CD9: variants seen among roughly 807,000 people sequenced by gnomAD.
CD9 encodes CD9 molecule, also known as CD9 antigen.
In CD9, 10 loss-of-function variants were observed where a neutral mutation model predicts 31.4. That is an observed-to-expected ratio of 0.32 (90% CI 0.20 to 0.54). CD9 has a LOEUF of 0.54. Ranked by LOEUF, CD9 falls within the 20% of genes least tolerant of loss-of-function variation. CD9 has a pLI of 0.94. For missense variants in CD9, 259 were observed against 300.1 expected, an observed-to-expected ratio of 0.86 and a Z score of 1.01; for synonymous variants, 113 against 114.1, an observed-to-expected ratio of 0.99 and a Z score of 0.06.
Position 6,235,327 on chromosome 12 carries a change from G to T in CD9, c.447G>T (p.Ala149=). ...QRETLKAIHY[A]LNCCGLAGGV... Reference sequence around the variant, plus strand: ...AAACGCTGAAAGCCATCCACTATGCGGTATGTCGCCTTGGCAAAGACACCC... The same window carrying T: ...AAACGCTGAAAGCCATCCACTATGCTGTATGTCGCCTTGGCAAAGACACCC... The change falls in exon 5 of 8, where the codon GCG becomes GCT. Residue 149 remains alanine (A), a splice_region_variant and synonymous_variant. Transcript: ENST00000009180. The T allele has an allele frequency of 2.5e-6, 4 of 1,614,194 alleles. No individual in the cohort carries two copies. Among genetic ancestry groups the T allele is most frequent in the Non-Finnish European group, 2.5e-6 (3 of 1,180,020 alleles).
chr12:6,203,718 G>T (rs1946099666), intron 1 of CD9, among the ~76,000 whole-genome samples: 1 of 151,816 alleles, frequency 6.6e-6, no homozygotes, highest in Non-Finnish European at 1.5e-5. Flanking sequence ...AAAAACAGTT[G>T]AGAGGGAAAA....
At position 6,233,432 on chromosome 12, in the gene CD9, G is replaced by A. The variant is rs772242287; in HGVS notation, c.294G>A (p.Val98=). ...TCCAGTTCTTCGGCTTCCTCTTGGT[G>A]ATATTCGCCATTGAAATAGCTGCGG... ...MLGLFFGFLL[V]IFAIEIAAAI... Residue 98 remains valine (V), a synonymous_variant, in exon 4 of 8, where the codon GTG becomes GTA. Transcript: ENST00000009180. 5.6e-6 allele frequency: 9 copies of A among 1,613,996 alleles called. No homozygotes were observed. The Admixed American group carries it at 1.3e-4, about 24-fold the overall frequency.
At chr12:6,225,701 G>A (rs1946356180) in intron 2 of CD9, 167 bp downstream of exon 2, 5 of 591,608 alleles carry the variant, frequency 8.5e-6, no homozygotes, top group Non-Finnish European at 1.2e-5. Flanking sequence ...TGTGTGTGTC[G>A]TTGTGCCTGG....
At chr12:6,234,882 T>C (rs764918352) in intron 4 of CD9, among the ~76,000 whole-genome samples, 9 of 152,060 alleles carry the variant, frequency 5.9e-5, no homozygotes, top group African/African-American at 9.7e-5. Context: ...CCTGAGAAAA[T>C]AGTCAGGTCA....
intron 3 of CD9, chr12:6,233,066 A>G (rs1946470832): frequency 1.4e-6 from 1 of 702,118 alleles, no homozygotes; most frequent in Admixed American, 2.0e-5. Flanking sequence ...AACTCCACGG[A>G]GTGGATTCGC....
Position 6,237,793 on chromosome 12 carries a change from T to C in CD9, c.652T>C (p.Cys218Arg), listed in dbSNP as rs760154648. The change falls in exon 8 of 8, where the codon TGC (cysteine) becomes CGC (arginine). Residue 218 changes from cysteine to arginine, a missense_variant. Coordinates refer to ENST00000009180, the MANE Select transcript of CD9 (RefSeq NM_001769.4). ...TGGCATGATCTTCAGTATGATCTTGTGCTGTGCTATCCGCAGGAACCGCGA... is the reference window on the plus strand; with the variant it reads ...TGGCATGATCTTCAGTATGATCTTGCGCTGTGCTATCCGCAGGAACCGCGA... ...IFGMIFSMILCCAIRRNREMV is the reference protein window; with the variant it reads ...IFGMIFSMILRCAIRRNREMV 6.2e-7 allele frequency: 1 copy of C among 1,613,718 alleles called. No individual in the cohort carries two copies. Among genetic ancestry groups the C allele is most frequent in the Admixed American group, 1.7e-5 (1 of 60,014 alleles).
At chr12:6,212,724 T>C (rs982349154) in intron 1 of CD9, among the ~76,000 whole-genome samples, 2 of 152,238 alleles carry the variant, frequency 1.3e-5, no homozygotes, top group Non-Finnish European at 2.9e-5. Flanking sequence ...TGTTGAATTG[T>C]ATGGGTTGTG....
intron 1 of CD9, among the ~76,000 whole-genome samples, chr12:6,211,175 AAAAT>A (rs1486425392): frequency 1.3e-5 from 2 of 152,204 alleles, no homozygotes; most frequent in Non-Finnish European, 2.9e-5. Flanking sequence ...TTTCATCTAA[AAAAT>A]AGAAGACAAT....
At chr12:6,236,548 G>A in intron 7 of CD9, 1 of 505,584 alleles carries the variant, frequency 2.0e-6, no homozygotes, top group Non-Finnish European at 3.5e-6. Flanking sequence ...CACATGGGTG[G>A]CAGTGCTGGC....
At chr12:6,236,511 G>T in intron 7 of CD9, 1 of 568,836 alleles carries the variant, frequency 1.8e-6, no homozygotes, top group Non-Finnish European at 3.1e-6. Context: ...CTAAAGAGTC[G>T]ACTCTCTTAG....
chr12:6,229,893 A>G (rs1946421913), intron 2 of CD9, among the ~76,000 whole-genome samples: 1 of 152,036 alleles, frequency 6.6e-6, no homozygotes, highest in Non-Finnish European at 1.5e-5. Context: ...AAGCAAATTA[A>G]TACCGTAATC....
At chr12:6,202,595 C>T (rs11568198) in intron 1 of CD9, among the ~76,000 whole-genome samples, 2 of 152,228 alleles carry the variant, frequency 1.3e-5, no homozygotes, top group Non-Finnish European at 2.9e-5. Context: ...GAAGCTGATG[C>T]GAGGCTCACA....
intron 1 of CD9, among the ~76,000 whole-genome samples, chr12:6,210,688 A>G (rs1194919959): frequency 6.6e-6 from 1 of 152,216 alleles, no homozygotes; most frequent in Non-Finnish European, 1.5e-5. Context: ...GCAAAAGGGA[A>G]AAAATTCTGG....
chr12:6,212,450 A>G (rs1946203085), intron 1 of CD9, among the ~76,000 whole-genome samples: 1 of 152,220 alleles, frequency 6.6e-6, no homozygotes, highest in Non-Finnish European at 1.5e-5. Flanking sequence ...GGCCTGCACC[A>G]GCCTGAGGCC....
At chr12:6,213,390 T>C (rs945362765) in intron 1 of CD9, among the ~76,000 whole-genome samples, 2 of 152,226 alleles carry the variant, frequency 1.3e-5, no homozygotes, top group African/African-American at 4.8e-5. Context: ...TTCTGAGACT[T>C]CCCCAGTTTG....
chr12:6,215,932 T>G (rs1946238738), intron 1 of CD9, among the ~76,000 whole-genome samples: 1 of 152,230 alleles, frequency 6.6e-6, no homozygotes, highest in Non-Finnish European at 1.5e-5. Flanking sequence ...TGGAGCTGGA[T>G]AAGGGAGCAC....
chr12:6,204,170 C>G (rs1448853869), intron 1 of CD9, among the ~76,000 whole-genome samples: 1 of 152,200 alleles, frequency 6.6e-6, no homozygotes, highest in African/African-American at 2.4e-5. Context: ...AAAACAATAG[C>G]TTGGAACAAA....
chr12:6,235,362 T>G, intron 5 of CD9, 35 bp downstream of exon 5: 1 of 1,614,158 alleles, frequency 6.2e-7, no homozygotes, highest in Non-Finnish European at 8.5e-7. Flanking sequence ...CTCCTGCGCT[T>G]TCTCCGGATT....
chr12:6,203,532 G>C (rs1160633102), intron 1 of CD9, among the ~76,000 whole-genome samples: 1 of 152,114 alleles, frequency 6.6e-6, no homozygotes, highest in Non-Finnish European at 1.5e-5. Flanking sequence ...ATGGTTATTG[G>C]GGGGCTGTGC....
Sources: gnomAD v4.1 joint callset for allele counts (sites outside exome capture counted in the v4.1 genomes callset) on GRCh38, gnomAD v4.1.1 for gene constraint, MANE v1.5 for transcripts, NCBI Gene and HGNC (gene_info 2026-07-23, HGNC 2026-07-21) for gene names.